Variants in FRAS1 observed in about 807,000 individuals in gnomAD.
FRAS1 encodes Fraser extracellular matrix complex subunit 1.
In FRAS1, 290 loss-of-function variants were observed where a neutral mutation model predicts 435.2. That is an observed-to-expected ratio of 0.67 (90% CI 0.61 to 0.73). The LOEUF is 0.73. FRAS1 is among the 30% of genes least tolerant of loss of function. FRAS1 has a pLI of 0.00. For synonymous variants in FRAS1, 1,800 were observed against 1,851.0 expected (o/e 0.97, Z 0.71); for missense variants, 4,860 against 5,001.5 (o/e 0.97, Z 0.85).
At chr4:78,065,081 T>TATATATATATATACACAC (rs762909923) in intron 1 of FRAS1, among the ~76,000 whole-genome samples, 19 of 125,692 alleles carry the variant, frequency 1.5e-4, no homozygotes, top group African/African-American at 5.5e-4. Flanking sequence ...TATATATATA[T>TATATATATATATACACAC]ATACATACAC....
chr4:78,405,803 A>G (rs909570908), intron 30 of FRAS1, among the ~76,000 whole-genome samples: 1 of 152,012 alleles, frequency 6.6e-6, no homozygotes, highest in South Asian at 2.1e-4. Context: ...CTTCTTTCAG[A>G]TTTATTGTTA....
Position 78,255,309 on chromosome 4 carries a change from A to G in FRAS1, c.537A>G (p.Lys179=), listed in dbSNP as rs933695863. ...GEDWRLSRCA[K]CLCRNGVAQC... is the part of the protein sequence containing the mutation. ...ACTGGCGGCTGAGCCGGTGTGCCAA[A>G]TGTCTGTGTAGAAATGGGGTTGCCC... Residue 179 remains lysine (K), a synonymous_variant, in exon 6 of 74, where the codon AAA becomes AAG. Transcript: ENST00000512123. The G allele has an allele frequency of 1.5e-5, 23 of 1,569,000 alleles. No individual in the cohort carries two copies. The highest frequency in any genetic ancestry group is 1.9e-5 in the Admixed American group (1 of 53,098).
chr4:78,424,765 G>C (rs1733933353), intron 35 of FRAS1, among the ~76,000 whole-genome samples: 2 of 150,914 alleles, frequency 1.3e-5, no homozygotes, highest in African/African-American at 4.9e-5. Context: ...AACAATGCAA[G>C]ACCTTGTCTA....
At chr4:78,240,879 G>C (rs1461567091) in intron 3 of FRAS1, among the ~76,000 whole-genome samples, 1 of 152,160 alleles carries the variant, frequency 6.6e-6, no homozygotes, top group Admixed American at 6.5e-5. Flanking sequence ...GGTCAAAGAA[G>C]AGAGTAATAT....
intron 22 of FRAS1, among the ~76,000 whole-genome samples, chr4:78,364,817 T>C (rs1311924519): frequency 6.6e-6 from 1 of 152,222 alleles, no homozygotes; most frequent in Non-Finnish European, 1.5e-5. Flanking sequence ...TTAACAAATA[T>C]AGTGGTAGTA....
intron 2 of FRAS1, among the ~76,000 whole-genome samples, chr4:78,113,871 G>C (rs1742932336): frequency 1.3e-5 from 2 of 152,192 alleles, no homozygotes; most frequent in South Asian, 2.1e-4. Flanking sequence ...TGTTGCCATT[G>C]CTTTTGGTGT....
chr4:78,233,493 C>A (rs1318986346), intron 2 of FRAS1, among the ~76,000 whole-genome samples: 1 of 149,968 alleles, frequency 6.7e-6, no homozygotes, highest in African/African-American at 2.4e-5. Context: ...ACTTATAGGA[C>A]TGTTTTCCCT....
chr4:78,190,126 C>T (rs1722465576), intron 2 of FRAS1, among the ~76,000 whole-genome samples: 1 of 152,204 alleles, frequency 6.6e-6, no homozygotes, highest in South Asian at 2.1e-4. Flanking sequence ...TTCTGGTGCA[C>T]TTAGTGCACA....
At chr4:78,136,535 A>T (rs1487961337) in intron 2 of FRAS1, among the ~76,000 whole-genome samples, 1 of 152,202 alleles carries the variant, frequency 6.6e-6, no homozygotes. Flanking sequence ...GAGACTGATA[A>T]TAAGGAAAAT....
Position 78,470,022 on chromosome 4 carries a change from G to A in FRAS1, c.7302G>A (p.Pro2434=), listed in dbSNP as rs377435736. The change falls in exon 51 of 74, where the codon CCG becomes CCA. Residue 2434 remains proline (P), a synonymous_variant. Transcript: ENST00000512123. ...APQPFRVDIL[P]VDDGTPRIVT... The stretch of plus-strand genomic sequence containing the variant: ...AGCCGTTCCGAGTAGACATCCTCCC[G>A]GTAGATGATGGCACGCCTAGAATTG... 4.9e-5 allele frequency: 79 copies of A among 1,613,544 alleles called. No individual in the cohort carries two copies. In the African/African-American group the frequency reaches 6.7e-4, roughly 14 times the overall value.
intron 59 of FRAS1, among the ~76,000 whole-genome samples, chr4:78,492,141 A>G (rs1480241241): frequency 6.6e-6 from 1 of 152,244 alleles, no homozygotes; most frequent in African/African-American, 2.4e-5. Context: ...TGCTCAAGGA[A>G]ATAAGAGAGG....
chr4:78,501,569 T>A (rs11724180), intron 61 of FRAS1, among the ~76,000 whole-genome samples: 21,976 of 152,254 alleles, frequency 0.14, 1,910 homozygotes, highest in Non-Finnish European at 0.21. Context: ...TTGAACTTTT[T>A]ACACTCCCAC....
chr4:78,231,235 G>A lies in FRAS1; in HGVS notation c.109-6275G>A, dbSNP rs994892761. ...CTCCCAAAGTGCTGGGATTACAGGC[G>A]TGAGCCACTGTGCCTGGGCACCTTA... On this transcript the variant is annotated intron_variant, in intron 2 of 73. Transcript: ENST00000512123. 2.6e-5 allele frequency among the ~76,000 whole-genome samples: 4 copies of A among 151,874 alleles called. No homozygotes were observed. In the South Asian group the frequency reaches 6.2e-4, roughly 24 times the overall value.
intron 2 of FRAS1, among the ~76,000 whole-genome samples, chr4:78,081,734 A>C (rs1168394549): frequency 6.6e-6 from 1 of 152,098 alleles, no homozygotes; most frequent in East Asian, 1.9e-4. Context: ...ACAGTTAAGG[A>C]AGTCCAGGCC....
At chr4:78,062,100 G>A (rs573123861) in intron 1 of FRAS1, among the ~76,000 whole-genome samples, 7 of 152,098 alleles carry the variant, frequency 4.6e-5, no homozygotes, top group Admixed American at 3.9e-4. Flanking sequence ...CCAGCCATCC[G>A]TATTCACTGT....
At chr4:78,238,008 T>C (rs1375291640) in intron 3 of FRAS1, among the ~76,000 whole-genome samples, 1 of 152,172 alleles carries the variant, frequency 6.6e-6, no homozygotes, top group Non-Finnish European at 1.5e-5. Flanking sequence ...CCCAGAGATT[T>C]TACCTGAAGT....
At chr4:78,436,786 A>G (rs916021422) in intron 38 of FRAS1, among the ~76,000 whole-genome samples, 7 of 152,210 alleles carry the variant, frequency 4.6e-5, no homozygotes, top group Admixed American at 4.6e-4. Context: ...GTAGTAATAT[A>G]TCAAGCTATT....
intron 30 of FRAS1, among the ~76,000 whole-genome samples, chr4:78,406,821 G>A (rs939350264): frequency 1.3e-5 from 2 of 152,160 alleles, no homozygotes; most frequent in Non-Finnish European, 2.9e-5. Context: ...GGTGCCTGCC[G>A]TATGTCTTCC....
At chr4:78,095,400 G>C (rs1181140194) in intron 2 of FRAS1, among the ~76,000 whole-genome samples, 2 of 152,190 alleles carry the variant, frequency 1.3e-5, no homozygotes, top group Non-Finnish European at 2.9e-5. Flanking sequence ...ATTACTGGTT[G>C]GTGAAATCTC....
Sources: allele counts gnomAD v4.1 joint callset (sites outside exome capture counted in the v4.1 genomes callset), GRCh38; gene constraint gnomAD v4.1.1; transcripts MANE v1.5; gene names NCBI Gene and HGNC (gene_info 2026-07-23, HGNC 2026-07-21).